The following LRPPRC variants were observed in gnomAD, a reference collection of about 807,000 sequenced individuals.
The protein encoded by LRPPRC is leucine-rich PPR motif-containing protein, mitochondrial.
A neutral mutation model predicts 180.3 loss-of-function variants in LRPPRC; 120 were observed. The observed-to-expected ratio is 0.67, with a 90% CI of 0.57 to 0.77. The LOEUF is 0.77. LRPPRC is among the 30% of genes least tolerant of loss of function. The pLI, the probability that LRPPRC is intolerant of heterozygous loss-of-function variation, is 0.00. For synonymous variants in LRPPRC, 723 were observed against 600.0 expected, an observed-to-expected ratio of 1.21 and a Z score of -3.00; for missense variants, 2,012 against 1,657.2, an observed-to-expected ratio of 1.21 and a Z score of -3.72.
intron 36 of LRPPRC, chr2:43,890,195 A>C (rs948798913): frequency 1.7e-5 from 7 of 411,222 alleles, no homozygotes; most frequent in Non-Finnish European, 3.4e-5. Context: ...CCACAAACTG[A>C]AGTCCTCAGT....
chr2:43,983,644 T>C (rs928338190), intron 1 of LRPPRC, among the ~76,000 whole-genome samples: 1 of 152,170 alleles, frequency 6.6e-6, no homozygotes, highest in Non-Finnish European at 1.5e-5. Context: ...ATACACTATA[T>C]AACAACTAAG....
chr2:43,941,632 T>C lies in LRPPRC; in HGVS notation c.2504+2055A>G, dbSNP rs551318027. Among the ~76,000 whole-genome samples, 67 of 152,178 alleles carry C rather than the reference T, an allele frequency of 4.4e-4. No homozygotes were observed. The Middle Eastern group carries it at 0.01, about 23-fold the overall frequency. On this transcript the variant is annotated intron_variant, in intron 23 of 37. Coordinates refer to ENST00000260665, the MANE Select transcript of LRPPRC (RefSeq NM_133259.4). ...CTTCCATCAGTTGGAGAAAACACAA[T>C]TGAGAAAGAGTTTCAAAGTCAGGGT...
At chr2:43,970,641 T>C (rs78194122) in intron 11 of LRPPRC, among the ~76,000 whole-genome samples, 1,744 of 152,262 alleles carry the variant, frequency 0.011, 36 homozygotes, top group African/African-American at 0.04. Context: ...TAGAGGAAAG[T>C]CTCCATTTAA....
At chr2:43,968,327 GTCGAAGCACTTAA>G (rs1673649260) in intron 11 of LRPPRC, among the ~76,000 whole-genome samples, 1 of 152,148 alleles carries the variant, frequency 6.6e-6, no homozygotes, top group Non-Finnish European at 1.5e-5. Flanking sequence ...GGCAATATGT[GTCGAAGCACTTAA>G]TGAATAATTT....
chr2:43,960,690 A>T (rs10190161), intron 12 of LRPPRC, 56 bp from the exon 13 acceptor site: 39 of 842,560 alleles, frequency 4.6e-5, no homozygotes, highest in Non-Finnish European at 6.0e-5. Flanking sequence ...TATTTTGATA[A>T]GCCAAAGATC....
rs1670315720 is a variant in LRPPRC, at chr2:43,887,661, A to T, written c.*939T>A. On this transcript the variant is annotated 3_prime_UTR_variant, in exon 38 of 38. Coordinates refer to ENST00000260665, the MANE Select transcript of LRPPRC (RefSeq NM_133259.4). ...ATTCCATATTATTAAGACACCTTTT[A>T]TAATGGCAAACTCTCCTGACTACCT... The T allele has an allele frequency of 6.6e-6, 1 of 152,260 alleles. No individual in the cohort carries two copies. Among genetic ancestry groups the T allele is most frequent in the South Asian group, 2.1e-4 (1 of 4,838 alleles). 9.4% of individuals were successfully genotyped at this position (152,260 alleles called of 1,614,324 possible).
At chr2:43,931,251 G>A (rs918004595) in intron 25 of LRPPRC, among the ~76,000 whole-genome samples, 1 of 152,106 alleles carries the variant, frequency 6.6e-6, no homozygotes, top group Non-Finnish European at 1.5e-5. Context: ...TTAGCATTTC[G>A]TATTCTAACC....
rs1459644423 is a variant in LRPPRC at position 43,901,402 on chromosome 2, T to G, written c.3487A>C (p.Lys1163Gln). Residue 1163 changes from lysine (K) to glutamine (Q), a missense_variant, in exon 32 of 38, where the codon AAG becomes CAG. Lys to Gln is a moderately conservative substitution (Grantham distance 53). Transcript: ENST00000260665. ...GDVENIEVVQ[K>Q]MLNGLEDSIG... ...GAGTCTTCGAGTCCATTTAACATCT[T>G]CTGAACTACTTCTATGTTTTCAACA... is the stretch of plus-strand genomic sequence containing the variant. 6.2e-7 allele frequency: 1 copy of G among 1,613,744 alleles called. No homozygotes were observed. Among genetic ancestry groups the G allele is most frequent in the African/African-American group, 1.3e-5 (1 of 74,950 alleles).
At chr2:43,920,294 C>A (rs1161831265) in intron 27 of LRPPRC, among the ~76,000 whole-genome samples, 2 of 152,038 alleles carry the variant, frequency 1.3e-5, no homozygotes, top group Non-Finnish European at 2.9e-5. Flanking sequence ...CGCCAGCACA[C>A]CCCACTAATT....
chr2:43,947,596 A>C (rs2105085702), intron 19 of LRPPRC, 135 bp downstream of exon 19: 4 of 684,744 alleles, frequency 5.8e-6, no homozygotes, highest in Non-Finnish European at 1.0e-5. Flanking sequence ...GGTGGGGAAC[A>C]GGTTTTACCA....
At position 43,976,150 on chromosome 2, in the gene LRPPRC, T is replaced by C; in HGVS notation, c.730A>G (p.Arg244Gly). ...CCTTAGGTTGAACATTACCCAGCTC[T>C]GGCATGCCCTGTCACAAGGGCACTG... The part of the protein sequence containing the change: ...VFSALVTGHA[R>G]AGDMENAENI... Residue 244 changes from arginine to glycine, a missense_variant, in exon 6 of 38, where the codon AGA becomes GGA. Transcript: ENST00000260665. 5 of 1,602,228 alleles carry C rather than the reference T, an allele frequency of 3.1e-6. No individual in the cohort carries two copies. Among genetic ancestry groups the C allele is most frequent in the Non-Finnish European group, 4.3e-6 (5 of 1,169,188 alleles).
intron 25 of LRPPRC, among the ~76,000 whole-genome samples, chr2:43,929,186 C>A (rs959348657): frequency 6.6e-6 from 1 of 152,134 alleles, no homozygotes; most frequent in African/African-American, 2.4e-5. Context: ...GCAATTCATC[C>A]TTTTCTTGAA....
chr2:43,941,129 C>T (rs1291591194), intron 23 of LRPPRC, among the ~76,000 whole-genome samples: 2 of 152,084 alleles, frequency 1.3e-5, no homozygotes, highest in African/African-American at 2.4e-5. Flanking sequence ...TGAATAAAAA[C>T]AGTGTATTTT....
At chr2:43,973,034 T>C (rs913348520) in intron 11 of LRPPRC, among the ~76,000 whole-genome samples, 11 of 152,232 alleles carry the variant, frequency 7.2e-5, no homozygotes, top group African/African-American at 2.2e-4. Context: ...ACATCCCATG[T>C]GTACAAGGGA....
rs749821214 is a variant in LRPPRC, at chr2:43,925,157, C to T, written c.2806G>A (p.Val936Ile). ...TCCACTAATTTTTCCAGAGTTTCAA[C>T]CTTAAAAGTAAGATTAAGAGATAGA... ...FCDRCVANNQ[V>I]ETLEKLVELT... The change falls in exon 27 of 38, where the codon GTT becomes ATT. Residue 936 changes from valine (V) to isoleucine (I), a missense_variant and splice_region_variant. Physicochemically the swap from Val to Ile is conservative, Grantham distance 29. Transcript: ENST00000260665. 6.6e-7 allele frequency: 1 copy of T among 1,514,118 alleles called. No homozygotes were observed. Among genetic ancestry groups the T allele is most frequent in the Non-Finnish European group, 9.2e-7 (1 of 1,089,066 alleles). 93.8% of individuals were successfully genotyped at this position (1,514,118 alleles called of 1,614,324 possible).
intron 14 of LRPPRC, among the ~76,000 whole-genome samples, chr2:43,954,983 T>C (rs1322167008): frequency 1.3e-5 from 2 of 152,174 alleles, no homozygotes; most frequent in Admixed American, 1.3e-4. Context: ...TCTGCTTCTA[T>C]ACAGAGAAAA....
chr2:43,918,417 C>A lies in LRPPRC; in HGVS notation c.2897-19G>T, dbSNP rs1331557770. 6.4e-7 allele frequency: 1 copy of A among 1,570,534 alleles called. No individual in the cohort carries two copies. The highest frequency in any genetic ancestry group is 1.7e-5 in the Admixed American group (1 of 59,954). On this transcript the variant is annotated intron_variant, in intron 27 of 37. Transcript: ENST00000260665. ...TTTATTTCTGTAGAATTTGATTAAGCAGAAATTAATCAATAAATATGCTAA... is the reference window on the plus strand; with the variant it reads ...TTTATTTCTGTAGAATTTGATTAAGAAGAAATTAATCAATAAATATGCTAA...
intron 2 of LRPPRC, among the ~76,000 whole-genome samples, 188 bp downstream of exon 2, chr2:43,982,050 G>A (rs1008232494): frequency 2.0e-5 from 3 of 152,126 alleles, no homozygotes; most frequent in African/African-American, 7.2e-5. Context: ...TGGGACTACA[G>A]GCACGCGCCA....
At chr2:43,923,814 T>C (rs1319153590) in intron 27 of LRPPRC, among the ~76,000 whole-genome samples, 3 of 152,146 alleles carry the variant, frequency 2.0e-5, no homozygotes, top group African/African-American at 7.2e-5. Context: ...CTTGGCACAT[T>C]AGAATTTCAT....
Sources: allele counts gnomAD v4.1 joint callset (sites outside exome capture counted in the v4.1 genomes callset), GRCh38; gene constraint gnomAD v4.1.1; transcripts MANE v1.5; gene names NCBI Gene and HGNC (gene_info 2026-07-23, HGNC 2026-07-21).